Variants in GALNT1 observed in about 807,000 individuals in gnomAD.
GALNT1 encodes polypeptide N-acetylgalactosaminyltransferase 1.
Under a neutral mutation model 65.7 loss-of-function variants are expected in GALNT1, and 17 were observed. The observed-to-expected ratio is 0.26, with a 90% CI of 0.18 to 0.39. The LOEUF (loss-of-function observed/expected upper bound fraction) is 0.39, where lower values mean the gene tolerates loss of function less well. Among genes scored for constraint, GALNT1 ranks in the 10% least tolerant of loss-of-function variants. The pLI is 1.00. For missense variants in GALNT1, 460 were observed against 672.8 expected, an observed-to-expected ratio of 0.68 and a Z score of 3.50; for synonymous variants, 210 against 219.7, an observed-to-expected ratio of 0.96 and a Z score of 0.39.
chr18:35,685,911 A>G (rs2047860335), intron 5 of GALNT1, among the ~76,000 whole-genome samples: 1 of 152,138 alleles, frequency 6.6e-6, no homozygotes, highest in Admixed American at 6.5e-5. Context: ...TACTAAAAAT[A>G]CAAAAAATTA....
Position 35,663,686 on chromosome 18 carries a change from C to T in GALNT1, c.198C>T (p.Val66=), listed in dbSNP as rs1458857441. ...CTGGAGAAATGGGGAAACCAGTCGTCATTCCTAAAGAGGATCAAGAAAAGA... is the reference window on the plus strand; with the variant it reads ...CTGGAGAAATGGGGAAACCAGTCGTTATTCCTAAAGAGGATCAAGAAAAGA... ...EGPGEMGKPV[V]IPKEDQEKMK... Residue 66 remains valine, a synonymous_variant, in exon 3 of 12, where the codon GTC becomes GTT. Coordinates refer to ENST00000269195, the MANE Select transcript of GALNT1 (RefSeq NM_020474.4). 2 of 1,613,882 alleles carry T rather than the reference C, an allele frequency of 1.2e-6. No homozygotes were observed. The highest frequency in any genetic ancestry group is 1.7e-6 in the Non-Finnish European group (2 of 1,179,966).
chr18:35,585,257 T>C (rs2046367029), intron 1 of GALNT1, among the ~76,000 whole-genome samples: 1 of 152,180 alleles, frequency 6.6e-6, no homozygotes, highest in East Asian at 1.9e-4. Flanking sequence ...ATAGGCACTT[T>C]GCTTATTTCT....
At chr18:35,649,033 G>C (rs1257661855) in intron 1 of GALNT1, among the ~76,000 whole-genome samples, 1 of 152,174 alleles carries the variant, frequency 6.6e-6, no homozygotes, top group Admixed American at 6.5e-5. Flanking sequence ...ATGATTATAA[G>C]TAGGCTGCTA....
At position 35,621,481 on chromosome 18, in the gene GALNT1, C is replaced by T. The variant is rs146558048; in HGVS notation, c.-103-33079C>T. Among the ~76,000 whole-genome samples the T allele has an allele frequency of 7.1e-5, 9 of 126,324 alleles. 1 individual carries two copies. Among genetic ancestry groups the T allele is most frequent in the Admixed American group, 3.1e-4 (4 of 12,964 alleles). 82.9% of individuals were successfully genotyped at this position (126,324 alleles called of 152,430 possible). A position where few individuals can be genotyped will look rare whatever the true frequency, so the allele number is the denominator to read the frequency against. ...TGCTAGGATTATAGACATGAATCAC[C>T]GCAATTGGTCTGTTGTTTGTTTTGG... On this transcript the variant is annotated intron_variant, in intron 1 of 11. Transcript: ENST00000269195.
intron 1 of GALNT1, among the ~76,000 whole-genome samples, chr18:35,623,700 C>T (rs570075677): frequency 4.2e-4 from 64 of 152,182 alleles, no homozygotes; most frequent in Non-Finnish European, 6.0e-4. Flanking sequence ...GTAATCCCAT[C>T]AAGTGAATTT....
At chr18:35,600,504 C>G (rs1486041847) in intron 1 of GALNT1, among the ~76,000 whole-genome samples, 2 of 152,050 alleles carry the variant, frequency 1.3e-5, no homozygotes, top group African/African-American at 2.4e-5. Context: ...AATTTGGAGG[C>G]CCTTTATGTC....
intron 8 of GALNT1, 97 bp downstream of exon 8, chr18:35,691,289 A>T: frequency 3.0e-6 from 3 of 1,005,310 alleles, no homozygotes; most frequent in Non-Finnish European, 4.3e-6. Context: ...CTTTGAGCAG[A>T]GGTGAACACC....
intron 1 of GALNT1, among the ~76,000 whole-genome samples, chr18:35,603,426 A>G (rs1442322919): frequency 6.6e-6 from 1 of 152,098 alleles, no homozygotes; most frequent in Non-Finnish European, 1.5e-5. Flanking sequence ...TGCTGGTGAT[A>G]TTCTTGGGAC....
intron 1 of GALNT1, among the ~76,000 whole-genome samples, chr18:35,646,910 A>C (rs978694365): frequency 1.3e-5 from 2 of 152,110 alleles, no homozygotes; most frequent in Non-Finnish European, 2.9e-5. Context: ...AATCACACTT[A>C]ACGTTTCTTC....
intron 1 of GALNT1, among the ~76,000 whole-genome samples, chr18:35,632,120 C>G (rs1434794081): frequency 1.3e-5 from 2 of 152,192 alleles, no homozygotes; most frequent in Non-Finnish European, 1.5e-5. Context: ...AATGGCCATA[C>G]TGCCCAAAGT....
intron 1 of GALNT1, among the ~76,000 whole-genome samples, chr18:35,636,741 G>A (rs1355501420): frequency 8.0e-6 from 1 of 125,726 alleles, no homozygotes; most frequent in Non-Finnish European, 1.7e-5. Flanking sequence ...GCATGTCCAT[G>A]TTATTGTACT....
chr18:35,590,553 C>T (rs995960318), intron 1 of GALNT1, among the ~76,000 whole-genome samples: 1 of 152,146 alleles, frequency 6.6e-6, no homozygotes, highest in Admixed American at 6.5e-5. Flanking sequence ...AGTATCAGTT[C>T]ATTTGTAGAA....
At chr18:35,658,172 G>A (rs1312448406) in intron 2 of GALNT1, among the ~76,000 whole-genome samples, 1 of 152,238 alleles carries the variant, frequency 6.6e-6, no homozygotes, top group African/African-American at 2.4e-5. Flanking sequence ...TGGAGGAAAG[G>A]AGAACGAATC....
chr18:35,706,285 C>T (rs1263011405), intron 11 of GALNT1, among the ~76,000 whole-genome samples: 2 of 151,982 alleles, frequency 1.3e-5, no homozygotes, highest in Admixed American at 6.6e-5. Flanking sequence ...CCGAGGTGGG[C>T]GGATGACGAG....
intron 6 of GALNT1, 116 bp downstream of exon 6, chr18:35,687,302 T>A: frequency 2.3e-6 from 2 of 853,192 alleles, no homozygotes; most frequent in Non-Finnish European, 3.5e-6. Flanking sequence ...TTCGTATACC[T>A]TATGGTAGTT....
intron 1 of GALNT1, among the ~76,000 whole-genome samples, chr18:35,586,378 C>T (rs2046378263): frequency 6.6e-6 from 1 of 152,132 alleles, no homozygotes. Context: ...TTGTCTGTAG[C>T]TTGTCTTTTC....
At chr18:35,590,191 T>TG (rs1410608316) in intron 1 of GALNT1, among the ~76,000 whole-genome samples, 1 of 152,244 alleles carries the variant, frequency 6.6e-6, no homozygotes, top group Non-Finnish European at 1.5e-5. Context: ...TGAGGGCAGA[T>TG]GTAGCAGCGG....
At chr18:35,703,712 C>A in intron 11 of GALNT1, 69 bp downstream of exon 11, 2 of 1,468,786 alleles carry the variant, frequency 1.4e-6, no homozygotes, top group Non-Finnish European at 1.9e-6. Context: ...TACTTTATAT[C>A]TAAAGGAATG....
intron 9 of GALNT1, among the ~76,000 whole-genome samples, chr18:35,693,879 G>A (rs754151621): frequency 2.0e-5 from 3 of 152,064 alleles, no homozygotes; most frequent in Non-Finnish European, 2.9e-5. Context: ...AGAGAAGACC[G>A]AGGACAATGC....
Sources: gnomAD v4.1 joint callset for allele counts (sites outside exome capture counted in the v4.1 genomes callset) on GRCh38, gnomAD v4.1.1 for gene constraint, MANE v1.5 for transcripts, NCBI Gene and HGNC (gene_info 2026-07-23, HGNC 2026-07-21) for gene names.